Variants in MUC7 observed in about 807,000 individuals in gnomAD.
The protein encoded by MUC7 is mucin 7, secreted.
In MUC7, 2 loss-of-function variants were observed where a neutral mutation model predicts 2.5. That is an observed-to-expected ratio of 0.81 (90% CI 0.33 to 2.55). The LOEUF is 2.55. MUC7 is among the 30% of genes most tolerant of loss of function. The probability of loss-of-function intolerance (pLI) is 0.11; values close to 1 mark genes in which losing one functional copy is unlikely to be tolerated. For missense variants in MUC7, 408 were observed against 455.6 expected (o/e 0.90, Z 0.95); for synonymous variants, 133 against 173.4 (o/e 0.77, Z 1.83).
chr4:70,477,423 A>G (rs574433894), intron 2 of MUC7, among the ~76,000 whole-genome samples: 1 of 152,254 alleles, frequency 6.6e-6, no homozygotes, highest in African/African-American at 2.4e-5. Flanking sequence ...TACAAAAGTA[A>G]AAAATGTAAT....
At chr4:70,446,745 T>A (rs777506896) in intron 1 of MUC7, among the ~76,000 whole-genome samples, 1 of 152,150 alleles carries the variant, frequency 6.6e-6, no homozygotes, top group Non-Finnish European at 1.5e-5. Flanking sequence ...TTCCTAAACT[T>A]CTAATGCCAA....
intron 1 of MUC7, among the ~76,000 whole-genome samples, chr4:70,432,248 T>C (rs1421789547): frequency 1.3e-5 from 2 of 152,260 alleles, no homozygotes; most frequent in African/African-American, 4.8e-5. Context: ...TTTATAATCC[T>C]TTGGGTATAT....
intron 1 of MUC7, among the ~76,000 whole-genome samples, chr4:70,442,959 C>T (rs1291805654): frequency 6.6e-6 from 1 of 152,142 alleles, no homozygotes; most frequent in Non-Finnish European, 1.5e-5. Context: ...CATTTAAATT[C>T]TATTGCTTCC....
intron 1 of MUC7, among the ~76,000 whole-genome samples, chr4:70,466,723 A>C (rs1203140895): frequency 2.0e-5 from 3 of 152,232 alleles, no homozygotes; most frequent in Admixed American, 6.5e-5. Flanking sequence ...CTAAATATAT[A>C]TGCACCCAAT....
intron 1 of MUC7, among the ~76,000 whole-genome samples, chr4:70,432,539 T>A (rs1314852708): frequency 6.6e-6 from 1 of 152,248 alleles, no homozygotes. Context: ...GCTGCATAAA[T>A]GTCTTCTTTT....
chr4:70,466,493 G>T (rs574311575), intron 1 of MUC7, among the ~76,000 whole-genome samples: 1 of 152,252 alleles, frequency 6.6e-6, no homozygotes, highest in South Asian at 2.1e-4. Flanking sequence ...AGACCCATCA[G>T]TGTGCTATAT....
chr4:70,476,695 G>A (rs890666820), intron 2 of MUC7, among the ~76,000 whole-genome samples: 5 of 152,222 alleles, frequency 3.3e-5, no homozygotes. Context: ...GCTGATGGAG[G>A]AGAATCACTT....
chr4:70,458,557 AC>A (rs1157386947), intron 1 of MUC7, among the ~76,000 whole-genome samples: 1 of 152,102 alleles, frequency 6.6e-6, no homozygotes, highest in African/African-American at 2.4e-5. Flanking sequence ...ACAAAATAAT[AC>A]CAATAAGTTA....
chr4:70,468,743 A>G (rs1201548948), upstream of MUC7, among the ~76,000 whole-genome samples: 2 of 152,224 alleles, frequency 1.3e-5, no homozygotes, highest in African/African-American at 4.8e-5. Context: ...ACCACTGCTC[A>G]ATGAAATAAG....
At chr4:70,468,811 C>A (rs536425583), upstream of MUC7, among the ~76,000 whole-genome samples, 6 of 152,222 alleles carry the variant, frequency 3.9e-5, no homozygotes, top group African/African-American at 1.4e-4. Flanking sequence ...GAATCAATAT[C>A]ATCAAAATGG....
At chr4:70,477,988 C>G (rs535263296) in intron 2 of MUC7, among the ~76,000 whole-genome samples, 2 of 152,254 alleles carry the variant, frequency 1.3e-5, no homozygotes, top group African/African-American at 4.8e-5. Context: ...CAACTCCTTC[C>G]TCTCTCAGAC....
In MUC7 at chr4:70,431,680, T is replaced by C. The variant is rs574019898; in HGVS notation, c.-93+993T>C. Among the ~76,000 whole-genome samples, 5 of 152,306 alleles carry C rather than the reference T, an allele frequency of 3.3e-5. No individual in the cohort carries two copies. The South Asian group carries it at 1.0e-3, about 32-fold the overall frequency. On this transcript the variant is annotated intron_variant, in intron 1 of 3. Coordinates refer to the MUC7 transcript ENST00000413702. ...TTCAACCGTAGTAACATTAGATGAA[T>C]ATGCACTTATTAACCAATTTCACAG...
chr4:70,480,756 T>C, intron 2 of MUC7, 43 bp from the exon 3 acceptor site: 1 of 1,590,030 alleles, frequency 6.3e-7, no homozygotes, highest in Non-Finnish European at 8.6e-7. Flanking sequence ...GATTGATAAA[T>C]GGATACTTTT....
intron 1 of MUC7, among the ~76,000 whole-genome samples, chr4:70,437,844 G>T (rs78142435): frequency 0.14 from 21,787 of 151,726 alleles, 1,638 homozygotes; most frequent in Middle Eastern, 0.22. Flanking sequence ...GTTCCTATTT[G>T]GCTACCTTGG....
chr4:70,465,398 A>G (rs1376165884), intron 1 of MUC7, among the ~76,000 whole-genome samples: 3 of 152,210 alleles, frequency 2.0e-5, no homozygotes, highest in African/African-American at 7.2e-5. Flanking sequence ...ACAGAGAATG[A>G]GTTTGACAAA....
chr4:70,472,712 CAA>C (rs1027480200), intron 1 of MUC7, among the ~76,000 whole-genome samples: 4 of 152,122 alleles, frequency 2.6e-5, no homozygotes, highest in Non-Finnish European at 5.9e-5. Flanking sequence ...GCAACTCACT[CAA>C]AGTCATGCAG....
At chr4:70,460,276 G>A (rs1403284802) in intron 1 of MUC7, among the ~76,000 whole-genome samples, 2 of 152,074 alleles carry the variant, frequency 1.3e-5, no homozygotes, top group Non-Finnish European at 1.5e-5. Context: ...AATTATCAAA[G>A]CTCAGAATGG....
upstream of MUC7, among the ~76,000 whole-genome samples, chr4:70,470,634 T>C (rs1043573974): frequency 1.3e-5 from 2 of 152,280 alleles, no homozygotes; most frequent in Non-Finnish European, 2.9e-5. Flanking sequence ...AATTGGGTAA[T>C]AGCAAGGTGA....
intron 2 of MUC7, among the ~76,000 whole-genome samples, chr4:70,477,580 TCTC>T (rs1241394028): frequency 6.6e-6 from 1 of 152,098 alleles, no homozygotes; most frequent in African/African-American, 2.4e-5. Flanking sequence ...GCCATGTGTC[TCTC>T]CTTCTCCTTC....
Sources: gnomAD v4.1 joint callset for allele counts (sites outside exome capture counted in the v4.1 genomes callset) on GRCh38, gnomAD v4.1.1 for gene constraint, MANE v1.5 for transcripts, NCBI Gene and HGNC (gene_info 2026-07-23, HGNC 2026-07-21) for gene names.